The following PLEKHS1 variants were observed in gnomAD, a reference collection of about 807,000 sequenced individuals.
The protein encoded by PLEKHS1 is pleckstrin homology domain-containing family S member 1.
A neutral mutation model predicts 51.0 loss-of-function variants in PLEKHS1; 55 were observed. That is an observed-to-expected ratio of 1.08 (90% confidence interval 0.87 to 1.35). The LOEUF (loss-of-function observed/expected upper bound fraction) is 1.35. PLEKHS1 is among the 40% of genes most tolerant of loss of function. PLEKHS1 has a pLI of 0.00. For missense variants in PLEKHS1, 398 were observed against 423.0 expected (o/e 0.94, Z 0.52); for synonymous variants, 153 against 144.8 (o/e 1.06, Z -0.41).
chr10:113,777,141 G>GC (rs749797511), intron 11 of PLEKHS1: 6 of 1,612,532 alleles, frequency 3.7e-6, no homozygotes, highest in Middle Eastern at 1.6e-4. Context: ...CAGTGGGAAG[G>GC]CCCCCCACGT....
intron 2 of PLEKHS1, among the ~76,000 whole-genome samples, chr10:113,763,951 T>A (rs938366439): frequency 4.6e-5 from 7 of 152,356 alleles, no homozygotes; most frequent in African/African-American, 1.7e-4. Flanking sequence ...CCCTTCACAT[T>A]TTTTATACTG....
At chr10:113,769,146 T>C (rs1282475682) in intron 6 of PLEKHS1, among the ~76,000 whole-genome samples, 2 of 152,230 alleles carry the variant, frequency 1.3e-5, no homozygotes, top group Non-Finnish European at 2.9e-5. Flanking sequence ...CTGTGACATT[T>C]TTAAGTAGTA....
At chr10:113,768,128 AG>A (rs1844245138) in intron 5 of PLEKHS1, among the ~76,000 whole-genome samples, 1 of 151,784 alleles carries the variant, frequency 6.6e-6, no homozygotes, top group African/African-American at 2.4e-5. Flanking sequence ...TCCATGTAAA[AG>A]AACCCAATAC....
intron 1 of PLEKHS1, among the ~76,000 whole-genome samples, chr10:113,753,964 C>G (rs368966862): frequency 1.3e-5 from 2 of 152,002 alleles, no homozygotes; most frequent in African/African-American, 4.8e-5. Flanking sequence ...CCCGCCACCA[C>G]GCTCGGCCAA....
At position 113,765,417 on chromosome 10, in the gene PLEKHS1, G is replaced by A. The variant is rs771689078; in HGVS notation, c.29-994G>A. The A allele has an allele frequency of 9.5e-5, 74 of 778,806 alleles. 1 individual carries two copies. The highest frequency in any genetic ancestry group is 8.0e-4 in the South Asian group (60 of 74,542). The allele number at this position is 778,806 out of a possible 1,614,324, so 48.2% of individuals were successfully genotyped here. A position where few individuals can be genotyped will look rare whatever the true frequency, so the allele number is the denominator to read the frequency against. On this transcript the variant is annotated intron_variant, in intron 2 of 11. Transcript: ENST00000361048. ...TAACAAGCACTTTTTCTGAATCTCT[G>A]ATGTATTTTAATGGTTCTTTCTCTG...
intron 2 of PLEKHS1, among the ~76,000 whole-genome samples, chr10:113,764,641 G>C (rs1167683902): frequency 4.6e-5 from 7 of 151,892 alleles, no homozygotes; most frequent in Non-Finnish European, 1.0e-4. Flanking sequence ...TATAGTTTTA[G>C]GTTTATAAAA....
At chr10:113,765,342 A>C (rs1385077253) in intron 2 of PLEKHS1, 5 of 779,308 alleles carry the variant, frequency 6.4e-6, no homozygotes, top group Non-Finnish European at 1.2e-5. Flanking sequence ...ATTCCTGAGT[A>C]CTCTACCCAA....
At chr10:113,772,422 C>T (rs147283140) in intron 8 of PLEKHS1, among the ~76,000 whole-genome samples, 236 of 152,124 alleles carry the variant, frequency 1.6e-3, no homozygotes, top group African/African-American at 5.3e-3. Flanking sequence ...TGGGGGATTG[C>T]CTTGAGGAGT....
intron 11 of PLEKHS1, 64 bp from the exon 13 acceptor site, chr10:113,780,538 T>C (rs930341854): frequency 1.4e-6 from 2 of 1,480,354 alleles, no homozygotes; most frequent in Non-Finnish European, 1.9e-6. Context: ...TGAGGACAGA[T>C]TGGGAAGCAA....
intron 10 of PLEKHS1, 26 bp downstream of exon 10, chr10:113,775,061 A>G: frequency 6.3e-7 from 1 of 1,596,974 alleles, no homozygotes; most frequent in Non-Finnish European, 8.6e-7. Flanking sequence ...CTAAAACTTG[A>G]TGGGCCCTAA....
At chr10:113,767,534 C>T in intron 5 of PLEKHS1, 55 bp downstream of exon 5, 1 of 1,501,934 alleles carries the variant, frequency 6.7e-7, no homozygotes, top group Non-Finnish European at 8.9e-7. Flanking sequence ...AAAAACAAAC[C>T]AAAAAACAAA....
At chr10:113,777,242 C>T (rs766591837) in intron 11 of PLEKHS1, 10 of 1,612,802 alleles carry the variant, frequency 6.2e-6, no homozygotes, top group East Asian at 4.5e-5. Flanking sequence ...GTTTCTTACC[C>T]GGTCCATCCA....
At chr10:113,752,307 G>A (rs1853878875) in intron 1 of PLEKHS1, among the ~76,000 whole-genome samples, 2 of 152,134 alleles carry the variant, frequency 1.3e-5, no homozygotes, top group African/African-American at 4.8e-5. Flanking sequence ...CGGTTATGAG[G>A]TTAGGATGAG....
rs548845116 is a variant in PLEKHS1 at position 113,755,226 on chromosome 10, T to C, written c.-19-33T>C. ...GTCAATGAAACACACGTAGTGTTGT[T>C]TGGGGACTAACACTAACCCTTCCTT... is the stretch of plus-strand genomic sequence containing the variant. On this transcript the variant is annotated intron_variant, in intron 1 of 11. Transcript: ENST00000361048. 2.8e-5 allele frequency: 44 copies of C among 1,578,912 alleles called. No individual in the cohort carries two copies. In the South Asian group the frequency reaches 4.1e-4, roughly 15 times the overall value.
chr10:113,768,313 A>C (rs934104977), intron 5 of PLEKHS1, among the ~76,000 whole-genome samples: 4 of 152,102 alleles, frequency 2.6e-5, no homozygotes, highest in Non-Finnish European at 4.4e-5. Context: ...TGTGCAGAGG[A>C]GGCGGACAAT....
intron 8 of PLEKHS1, among the ~76,000 whole-genome samples, chr10:113,772,794 T>C (rs1050298080): frequency 6.6e-6 from 1 of 152,092 alleles, no homozygotes; most frequent in African/African-American, 2.4e-5. Context: ...CAACCTAGAG[T>C]GCGTGAAAGG....
At chr10:113,775,718 C>A in intron 10 of PLEKHS1, 47 bp from the exon 11 acceptor site, 2 of 1,362,188 alleles carry the variant, frequency 1.5e-6, no homozygotes, top group Non-Finnish European at 2.1e-6. Flanking sequence ...CAGTTGAGAG[C>A]CAAGGTCAGT....
chr10:113,758,509 G>A (rs944346474), intron 2 of PLEKHS1, among the ~76,000 whole-genome samples: 2 of 152,084 alleles, frequency 1.3e-5, no homozygotes, highest in Non-Finnish European at 2.9e-5. Flanking sequence ...CAGATATGCT[G>A]TCACCCAGGC....
At chr10:113,753,887 T>TACA (rs3058374) in intron 1 of PLEKHS1, among the ~76,000 whole-genome samples, 14,714 of 152,060 alleles carry the variant, frequency 0.097, 790 homozygotes, top group South Asian at 0.15. Context: ...CTCGGCTCAC[T>TACA]ACCTCTGCCT....
Sources: allele counts gnomAD v4.1 joint callset (sites outside exome capture counted in the v4.1 genomes callset), GRCh38; gene constraint gnomAD v4.1.1; transcripts MANE v1.5; gene names NCBI Gene and HGNC (gene_info 2026-07-23, HGNC 2026-07-21).